DDHD2: variants seen among roughly 807,000 people sequenced by gnomAD.
DDHD2 encodes DDHD domain containing 2, also known as triacylglycerol hydrolase DDHD2.
A neutral mutation model predicts 91.2 loss-of-function variants in DDHD2; 62 were observed. That is an observed-to-expected ratio of 0.68 (90% CI 0.55 to 0.84). The LOEUF (loss-of-function observed/expected upper bound fraction) is 0.84. DDHD2 is among the 40% of genes least tolerant of loss of function. DDHD2 has a pLI of 0.00. For missense variants in DDHD2, 740 were observed against 846.9 expected (o/e 0.87, Z 1.57); for synonymous variants, 271 against 293.9 (o/e 0.92, Z 0.80).
chr8:38,235,127 A>G (rs1804610956), intron 3 of DDHD2, among the ~76,000 whole-genome samples: 1 of 152,198 alleles, frequency 6.6e-6, no homozygotes, highest in South Asian at 2.1e-4. Context: ...GTGTTTCATA[A>G]CATTATTTAG....
At chr8:38,264,987 C>T (rs72644712), downstream of DDHD2, 15 of 1,448,654 alleles carry the variant, frequency 1.0e-5, no homozygotes, top group Middle Eastern at 3.5e-4. Context: ...AGTTGCTTCT[C>T]GCCGGGCACG....
At chr8:38,244,105 A>G (rs1322998893) in intron 7 of DDHD2, among the ~76,000 whole-genome samples, 1 of 151,604 alleles carries the variant, frequency 6.6e-6, no homozygotes, top group Non-Finnish European at 1.5e-5. Context: ...GCCTGGCCCA[A>G]TCCAGCTGAT....
In DDHD2 at chr8:38,261,710, T is replaced by C. The variant is rs1195284436; in HGVS notation, c.*1137T>C. The C allele has an allele frequency of 2.0e-5, 3 of 152,190 alleles. No homozygotes were observed. Among genetic ancestry groups the C allele is most frequent in the East Asian group, 1.9e-4 (1 of 5,202 alleles). The allele number at this position is 152,190 out of a possible 1,614,324, so 9.4% of individuals were successfully genotyped here. On this transcript the variant is annotated 3_prime_UTR_variant, in exon 18 of 18. Transcript: ENST00000397166. ...CAGTGTCAGCTGAGTCTGGAACATA[T>C]GAAGTGAGGTTTACTTCTAAGAACA...
At position 38,246,283 on chromosome 8, in the gene DDHD2, G is replaced by T. The variant is rs199744652; in HGVS notation, c.1108G>T (p.Asp370Tyr). 6.8e-6 allele frequency: 11 copies of T among 1,608,474 alleles called. No homozygotes were observed. The highest frequency in any genetic ancestry group is 1.7e-5 in the Admixed American group (1 of 59,718). ...ILTNQKDSLG[D>Y]IDSEKDSLNI... ...AACAAATCAGAAAGATTCTTTGGGG[G>T]ATATTGACAGTGAAAAGGTAATTTA... The change falls in exon 9 of 18, where the codon GAT becomes TAT. Residue 370 changes from aspartate (D) to tyrosine (Y), a missense_variant. Transcript: ENST00000397166.
intron 7 of DDHD2, among the ~76,000 whole-genome samples, chr8:38,244,773 A>G (rs956026396): frequency 2.1e-5 from 3 of 142,564 alleles, no homozygotes; most frequent in African/African-American, 7.9e-5. Flanking sequence ...ACTCTGTTGG[A>G]CAGACTGGTC....
downstream of DDHD2, chr8:38,266,140 C>T (rs1197297757): frequency 6.2e-7 from 1 of 1,613,784 alleles, no homozygotes; most frequent in Admixed American, 1.7e-5. Context: ...ACTTTGCTTA[C>T]CTTGCCAGTG....
downstream of DDHD2, chr8:38,266,120 T>A (rs762890090): frequency 6.2e-7 from 1 of 1,611,170 alleles, no homozygotes; most frequent in Admixed American, 1.7e-5. Flanking sequence ...CAAGCTTCCA[T>A]AGCCTGAGTA....
At chr8:38,257,990 T>G (rs1806666678) in intron 16 of DDHD2, among the ~76,000 whole-genome samples, 1 of 152,096 alleles carries the variant, frequency 6.6e-6, no homozygotes. Flanking sequence ...TATATAATTT[T>G]TTTTAGAAAC....
chr8:38,257,662 ATTTTTTT>A (rs35509320), intron 16 of DDHD2, among the ~76,000 whole-genome samples: 4 of 109,384 alleles, frequency 3.7e-5, no homozygotes, highest in Admixed American at 1.0e-4. Context: ...TTACCACAGT[ATTTTTTT>A]TTTTTTTTTT....
rs547622231 is a variant in DDHD2 at position 38,245,084 on chromosome 8, C to T, written c.849-658C>T. 9.2e-5 allele frequency among the ~76,000 whole-genome samples: 14 copies of T among 151,448 alleles called. No individual in the cohort carries two copies. In the East Asian group the frequency reaches 2.7e-3, roughly 29 times the overall value. ...TATATAATTACAAACATGTTTTAAA[C>T]TGGGATCCAAATAAAGCCCATACCT... On this transcript the variant is annotated intron_variant, in intron 7 of 17. Coordinates refer to ENST00000397166, the MANE Select transcript of DDHD2 (RefSeq NM_015214.3).
chr8:38,267,949 C>T (rs201723569), intron 1 of DDHD2: 3 of 1,613,936 alleles, frequency 1.9e-6, no homozygotes, highest in Admixed American at 1.7e-5. Flanking sequence ...AGAGCCAGGG[C>T]AAGGCTGGCA....
chr8:38,268,169 A>T, intron 1 of DDHD2: 3 of 1,255,762 alleles, frequency 2.4e-6, no homozygotes, highest in Admixed American at 2.8e-5. Flanking sequence ...CAAATAACCC[A>T]GTGCATTTAG....
Position 38,234,482 on chromosome 8 carries a change from G to A in DDHD2, c.309G>A (p.Trp103Ter), listed in dbSNP as rs757666988. ...LGERMRYAVYWDELASEVRRC... is the reference protein window; with the variant it reads ...LGERMRYAVY ...AGAGGATGCGGTATGCTGTATACTGGGATGAACTGGCATCGGAAGTGAGAC... is the reference window on the plus strand; with the variant it reads ...AGAGGATGCGGTATGCTGTATACTGAGATGAACTGGCATCGGAAGTGAGAC... Residue 103 changes from tryptophan (W) to a stop codon, truncating the protein, a stop_gained, in exon 3 of 18, where the codon TGG becomes TGA. Transcript: ENST00000397166. LOFTEE classifies it high-confidence loss of function. The A allele has an allele frequency of 6.2e-7, 1 of 1,613,406 alleles. No homozygotes were observed. The highest frequency in any genetic ancestry group is 8.5e-7 in the Non-Finnish European group (1 of 1,179,890).
In DDHD2 at chr8:38,234,574, A is replaced by T. The variant is rs777774654; in HGVS notation, c.401A>T (p.Gln134Leu). ...KYVPYSESFS[Q>L]VLEETYMLAV... is the part of the protein sequence containing the mutation. ...GTTCCCTACTCGGAGAGCTTCAGCCAAGTTTTAGAGGTATTCTTTTGACTC... is the reference window on the plus strand; with the variant it reads ...GTTCCCTACTCGGAGAGCTTCAGCCTAGTTTTAGAGGTATTCTTTTGACTC... Residue 134 changes from glutamine to leucine, a missense_variant, in exon 3 of 18, where the codon CAA becomes CTA. Around this residue, in one of 2 missense-constraint regions of DDHD2, gnomAD observed 693 missense variants for 764.2 expected, o/e 0.91. Coordinates refer to ENST00000397166, the MANE Select transcript of DDHD2 (RefSeq NM_015214.3). 1.3e-5 allele frequency: 21 copies of T among 1,607,568 alleles called. No individual in the cohort carries two copies. Among genetic ancestry groups the T allele is most frequent in the Non-Finnish European group, 1.7e-5 (20 of 1,178,494 alleles).
At chr8:38,236,343 TTTTTTGTTTTTG>T (rs1037437802) in intron 3 of DDHD2, among the ~76,000 whole-genome samples, 8 of 150,634 alleles carry the variant, frequency 5.3e-5, no homozygotes, top group South Asian at 2.1e-4. Context: ...TTTTTTTGCT[TTTTTTGTTTTTG>T]TTTTTGTTTT....
At position 38,233,043 on chromosome 8, in the gene DDHD2, T is replaced by C; in HGVS notation, c.49T>C (p.Ser17Pro). Residue 17 changes from serine to proline, a missense_variant, in exon 2 of 18, where the codon TCT (serine) becomes CCT (proline). Physicochemically the swap from Ser to Pro is moderately conservative, Grantham distance 74. Transcript: ENST00000397166. Reference sequence around the variant, plus strand: ...GGAGCAGTTGTCCCAGTCAGATCCATCTCCGTCACCAAACTCATGTAGTTC... The same window carrying C: ...GGAGCAGTTGTCCCAGTCAGATCCACCTCCGTCACCAAACTCATGTAGTTC... ...QQEQLSQSDPSPSPNSCSSFE... is the reference protein window; with the variant it reads ...QQEQLSQSDPPPSPNSCSSFE... The C allele has an allele frequency of 6.2e-7, 1 of 1,614,176 alleles. No individual in the cohort carries two copies. The highest frequency in any genetic ancestry group is 1.1e-5 in the South Asian group (1 of 91,082).
chr8:38,273,120 C>T (rs547342015), downstream of DDHD2: 2 of 152,274 alleles, frequency 1.3e-5, no homozygotes, highest in Admixed American at 1.3e-4. Context: ...ACCTCTGCCT[C>T]CTGAGAAACT....
downstream of DDHD2, chr8:38,264,052 C>A: frequency 2.0e-6 from 2 of 989,878 alleles, no homozygotes; most frequent in Non-Finnish European, 2.4e-6. Flanking sequence ...TATGTCCTCA[C>A]TTGCACCTTG....
At chr8:38,268,670 C>T (rs1422404923) in intron 1 of DDHD2, 2 of 1,431,264 alleles carry the variant, frequency 1.4e-6, no homozygotes, top group African/African-American at 2.9e-5. Flanking sequence ...ACAGAGCGCC[C>T]GGGAAAACGT....
Sources: gnomAD v4.1 joint callset for allele counts (sites outside exome capture counted in the v4.1 genomes callset) on GRCh38, gnomAD v4.1.1 for gene constraint, gnomAD v4.1.1 regional missense constraint, MANE v1.5 for transcripts, NCBI Gene and HGNC (gene_info 2026-07-23, HGNC 2026-07-21) for gene names.